The following ADRA1B variants were observed in gnomAD, a reference collection of about 807,000 sequenced individuals.
The protein encoded by ADRA1B is adrenoceptor alpha 1B.
ADRA1B carries 17 observed loss-of-function variants against 17.9 expected under a neutral mutation model. The ratio of observed to expected loss-of-function variants is 0.95; its 90% CI spans 0.65 to 1.42. ADRA1B has a LOEUF of 1.42. Among genes scored for constraint, ADRA1B ranks in the 40% most tolerant of loss-of-function variants. The pLI, the probability that ADRA1B is intolerant of heterozygous loss-of-function variation, is 0.00. For missense variants in ADRA1B, 681 were observed against 722.1 expected, an observed-to-expected ratio of 0.94 and a Z score of 0.65; for synonymous variants, 366 against 327.6, an observed-to-expected ratio of 1.12 and a Z score of -1.27.
chr5:159,922,046 A>C (rs1018590017), intron 1 of ADRA1B, among the ~76,000 whole-genome samples: 1 of 152,224 alleles, frequency 6.6e-6, no homozygotes, highest in African/African-American at 2.4e-5. Context: ...ACCATGTATT[A>C]AATCACTAAT....
chr5:159,923,771 T>C (rs903993698), intron 1 of ADRA1B, among the ~76,000 whole-genome samples: 5 of 152,260 alleles, frequency 3.3e-5, no homozygotes, highest in African/African-American at 9.7e-5. Flanking sequence ...TTGGACCCCA[T>C]TGTAGACCTC....
intron 1 of ADRA1B, among the ~76,000 whole-genome samples, chr5:159,899,251 G>A (rs10078809): frequency 2.0e-4 from 26 of 131,998 alleles, no homozygotes; most frequent in African/African-American, 6.4e-4. Context: ...AGGAAGGAAG[G>A]AAGGAAGGAA....
chr5:159,948,201 A>G, intron 1 of ADRA1B: 1 of 985,474 alleles, frequency 1.0e-6, no homozygotes, highest in Non-Finnish European at 1.2e-6. Context: ...TCCAGACAAC[A>G]GGGCTTCTGG....
At chr5:159,960,471 A>G (rs1387163607) in intron 1 of ADRA1B, among the ~76,000 whole-genome samples, 1 of 152,264 alleles carries the variant, frequency 6.6e-6, no homozygotes, top group Non-Finnish European at 1.5e-5. Context: ...CCCAAGATAC[A>G]CACAAAAATA....
the ADRA1B span, among the ~76,000 whole-genome samples, chr5:159,987,472 A>C: frequency 3.3e-5 from 5 of 152,118 alleles, no homozygotes; most frequent in Non-Finnish European, 7.4e-5. Flanking sequence ...GCAGTGACCG[A>C]GCCCGCTCCA....
chr5:159,867,416 A>T (rs932359697), intron 1 of ADRA1B, among the ~76,000 whole-genome samples: 1 of 152,114 alleles, frequency 6.6e-6, no homozygotes, highest in Non-Finnish European at 1.5e-5. Flanking sequence ...CTGGGGAGTG[A>T]TTATATCATG....
At chr5:159,872,524 G>A (rs368125855) in intron 1 of ADRA1B, among the ~76,000 whole-genome samples, 2 of 152,166 alleles carry the variant, frequency 1.3e-5, no homozygotes, top group Non-Finnish European at 1.5e-5. Flanking sequence ...GGGACATGGA[G>A]CTCAGAGAAG....
intron 1 of ADRA1B, among the ~76,000 whole-genome samples, chr5:159,965,454 C>T (rs1355102454): frequency 1.3e-5 from 2 of 152,206 alleles, no homozygotes; most frequent in Non-Finnish European, 2.9e-5. Context: ...GTTGTATTTA[C>T]TCCCCTCACC....
intron 1 of ADRA1B, among the ~76,000 whole-genome samples, chr5:159,928,744 T>A (rs1283308799): frequency 6.6e-6 from 1 of 152,098 alleles, no homozygotes; most frequent in Non-Finnish European, 1.5e-5. Flanking sequence ...AAAAGGAGGT[T>A]AAAATGGGAC....
At position 159,929,617 on chromosome 5, in the gene ADRA1B, T is replaced by G. The variant is rs548168916; in HGVS notation, c.949+11763T>G. ...ATGTTTTGTAAAGAATGCCTGTTTT[T>G]AGACTTAGGACCACAGGGAACTTGG... On this transcript the variant is annotated intron_variant, in intron 1 of 1. Coordinates refer to ENST00000306675, the MANE Select transcript of ADRA1B (RefSeq NM_000679.4). 2.8e-4 allele frequency among the ~76,000 whole-genome samples: 43 copies of G among 152,332 alleles called. No individual in the cohort carries two copies. The South Asian group carries it at 7.9e-3, about 28-fold the overall frequency.
chr5:159,966,876 A>T (rs1755785091), intron 1 of ADRA1B, among the ~76,000 whole-genome samples: 1 of 152,264 alleles, frequency 6.6e-6, no homozygotes, highest in Non-Finnish European at 1.5e-5. Context: ...CCTATAGAGA[A>T]GGCATTAAAT....
In ADRA1B at chr5:159,972,185, G is replaced by C. The variant is rs569521388; in HGVS notation, c.1256G>C (p.Arg419Pro). Residue 419 changes from arginine to proline, a missense_variant, in exon 2 of 2, where the codon CGG (arginine) becomes CCG (proline). This residue lies in a region of ADRA1B where 251 missense variants were observed against 224.9 expected (regional missense o/e 1.12). Transcript: ENST00000306675. ...GGCAGCTGCCTGAGCGGCAGCCAGC[G>C]GACCCTGCCCTCGGCCTCGCCGAGC... ...DSGSCLSGSQ[R>P]TLPSASPSPG... 3 of 1,363,798 alleles carry C rather than the reference G, an allele frequency of 2.2e-6. No homozygotes were observed. The highest frequency in any genetic ancestry group is 2.9e-6 in the Non-Finnish European group (3 of 1,051,922). The allele number at this position is 1,363,798 out of a possible 1,614,324, so 84.5% of individuals were successfully genotyped here. A position where few individuals can be genotyped will look rare whatever the true frequency, so the allele number is the denominator to read the frequency against.
At position 159,917,702 on chromosome 5, in the gene ADRA1B, G is replaced by A. The variant is rs1754364224; in HGVS notation, c.797G>A (p.Ser266Asn). ...AAGAACTTTCACGAGGACACCCTTAGCAGTACCAAGGCCAAGGGCCACAAC... is the reference window on the plus strand; with the variant it reads ...AAGAACTTTCACGAGGACACCCTTAACAGTACCAAGGCCAAGGGCCACAAC... ...HSKNFHEDTL[S>N]STKAKGHNPR... is the part of the protein sequence containing the mutation. The change falls in exon 1 of 2, where the codon AGC (serine) becomes AAC (asparagine). Residue 266 changes from serine to asparagine, a missense_variant. Ser to Asn is a conservative substitution (Grantham distance 46). Around this residue, in one of 3 missense-constraint regions of ADRA1B, gnomAD observed 424 missense variants for 480.2 expected, o/e 0.88. Coordinates refer to ENST00000306675, the MANE Select transcript of ADRA1B (RefSeq NM_000679.4). The A allele has an allele frequency of 1.9e-6, 3 of 1,613,920 alleles. No individual in the cohort carries two copies. Among genetic ancestry groups the A allele is most frequent in the Non-Finnish European group, 2.5e-6 (3 of 1,180,018 alleles).
chr5:159,971,580 T>C (rs1755866535), intron 1 of ADRA1B, among the ~76,000 whole-genome samples: 1 of 152,164 alleles, frequency 6.6e-6, no homozygotes, highest in South Asian at 2.1e-4. Context: ...TCACTTAGAT[T>C]GAAGGTGGCA....
chr5:159,917,125 C>G lies in ADRA1B; in HGVS notation c.220C>G (p.Arg74Gly). The G allele has an allele frequency of 6.2e-7, 1 of 1,614,068 alleles. No individual in the cohort carries two copies. The highest frequency in any genetic ancestry group is 8.5e-7 in the Non-Finnish European group (1 of 1,180,008). Residue 74 changes from arginine (R) to glycine (G), a missense_variant, in exon 1 of 2, where the codon CGG (arginine) becomes GGG (glycine). Transcript: ENST00000306675. ...AGTCATCTTGTCTGTGGCCTGCAAC[C>G]GGCACCTGCGGACGCCCACCAACTA... ...ILVILSVACNRHLRTPTNYFI... is the reference protein window; with the variant it reads ...ILVILSVACNGHLRTPTNYFI...
At chr5:159,881,451 A>G (rs941297783) in intron 1 of ADRA1B, among the ~76,000 whole-genome samples, 1 of 151,934 alleles carries the variant, frequency 6.6e-6, no homozygotes, top group Non-Finnish European at 1.5e-5. Context: ...TCTCTATTGC[A>G]CATGGCTCAA....
At position 159,917,507 on chromosome 5, in the gene ADRA1B, C is replaced by G; in HGVS notation, c.602C>G (p.Pro201Arg). 6.2e-7 allele frequency: 1 copy of G among 1,614,046 alleles called. No individual in the cohort carries two copies. Among genetic ancestry groups the G allele is most frequent in the East Asian group, 2.2e-5 (1 of 44,882 alleles). ...AAGGAGTGCGGGGTCACCGAAGAAC[C>G]CTTCTATGCCCTCTTCTCCTCTCTG... Reference protein sequence around the residue: ...DDKECGVTEEPFYALFSSLGS... With the variant: ...DDKECGVTEERFYALFSSLGS... The change falls in exon 1 of 2, where the codon CCC (proline) becomes CGC (arginine). Residue 201 changes from proline (P) to arginine (R), a missense_variant. Pro to Arg is a moderately radical substitution (Grantham distance 103). This residue lies in a region of ADRA1B where 424 missense variants were observed against 480.2 expected (regional missense o/e 0.88). Coordinates refer to ENST00000306675, the MANE Select transcript of ADRA1B (RefSeq NM_000679.4).
intron 1 of ADRA1B, among the ~76,000 whole-genome samples, chr5:159,944,110 TAA>T (rs1194521008): frequency 6.6e-6 from 1 of 152,190 alleles, no homozygotes; most frequent in Non-Finnish European, 1.5e-5. Flanking sequence ...CTCAGATTCT[TAA>T]AGTGGCAGGC....
At chr5:159,932,999 G>T (rs1395774390) in intron 1 of ADRA1B, among the ~76,000 whole-genome samples, 1 of 152,084 alleles carries the variant, frequency 6.6e-6, no homozygotes, top group African/African-American at 2.4e-5. Flanking sequence ...TTTGTAAGTG[G>T]ACCATTCTGA....
Sources: allele counts gnomAD v4.1 joint callset (sites outside exome capture counted in the v4.1 genomes callset), GRCh38; gene constraint gnomAD v4.1.1; regional missense constraint gnomAD v4.1.1; transcripts MANE v1.5; gene names NCBI Gene and HGNC (gene_info 2026-07-23, HGNC 2026-07-21).